Variants in FANCM observed in about 807,000 individuals in gnomAD.
FANCM encodes the protein Fanconi anemia group M protein.
FANCM carries 140 observed loss-of-function variants against 199.5 expected under a neutral mutation model. The observed-to-expected ratio is 0.70, with a 90% confidence interval of 0.61 to 0.81. The LOEUF (loss-of-function observed/expected upper bound fraction) is 0.81. Among genes scored for constraint, FANCM ranks in the 30% least tolerant of loss-of-function variants. FANCM has a pLI of 0.00. For synonymous variants in FANCM, 840 were observed against 836.8 expected, an observed-to-expected ratio of 1.00 and a Z score of -0.07; for missense variants, 2,410 against 2,421.4, an observed-to-expected ratio of 1.00 and a Z score of 0.10.
chr14:45,154,340 G>A (rs1273918840), intron 6 of FANCM, among the ~76,000 whole-genome samples: 1 of 150,900 alleles, frequency 6.6e-6, no homozygotes, highest in African/African-American at 2.4e-5. Context: ...GGCAGAGGTT[G>A]CCTTGAGTCA....
chr14:45,173,071 C>G lies in FANCM; in HGVS notation c.2177C>G (p.Thr726Ser). 6.2e-7 allele frequency: 1 copy of G among 1,609,176 alleles called. No homozygotes were observed. Among genetic ancestry groups the G allele is most frequent in the South Asian group, 1.1e-5 (1 of 90,958 alleles). Residue 726 changes from threonine (T) to serine (S), a missense_variant, in exon 13 of 23, where the codon ACT (threonine) becomes AGT (serine). Thr to Ser is a moderately conservative substitution (Grantham distance 58). Coordinates refer to ENST00000267430, the MANE Select transcript of FANCM (RefSeq NM_020937.4). ...EENKPAQEST[T>S]GIHQLSLSEW... The stretch of plus-strand genomic sequence containing the variant: ...ATAATTAAGGCTCAAGAATCAACCA[C>G]TGGAATTCATCAACTCTCTCTCTCT...
At chr14:45,189,941 CT>C (rs1334062584) in intron 20 of FANCM, among the ~76,000 whole-genome samples, 1 of 149,850 alleles carries the variant, frequency 6.7e-6, no homozygotes, top group Admixed American at 6.7e-5. Context: ...GCACCCCAGC[CT>C]GGGTGACAGA....
intron 14 of FANCM, among the ~76,000 whole-genome samples, chr14:45,177,935 G>A (rs1400348739): frequency 6.6e-6 from 1 of 152,120 alleles, no homozygotes; most frequent in Non-Finnish European, 1.5e-5. Flanking sequence ...AAATCTCTGG[G>A]TTTCTGTAAT....
chr14:45,147,907 C>CA (rs1555360401), intron 3 of FANCM, among the ~76,000 whole-genome samples: 2,271 of 142,954 alleles, frequency 0.016, 48 homozygotes, highest in African/African-American at 0.055. Context: ...GCCCCCCCCC[C>CA]AAAAAAAAAG....
rs754961557 is a variant in FANCM, at chr14:45,176,347, C to G, written c.3593C>G (p.Ala1198Gly). 6.2e-6 allele frequency: 10 copies of G among 1,613,440 alleles called. No individual in the cohort carries two copies. In the South Asian group the frequency reaches 8.8e-5, roughly 14 times the overall value. ...SELQDQITRD[A>G]NSFKSRDQRG... ...CTCCAAGATCAAATCACCCGTGATG[C>G]TAATAGTTTTAAATCTCGTGATCAG... The change falls in exon 14 of 23, where the codon GCT becomes GGT. Residue 1198 changes from alanine (A) to glycine (G), a missense_variant. Ala to Gly is a moderately conservative substitution (Grantham distance 60). Transcript: ENST00000267430.
intron 5 of FANCM, among the ~76,000 whole-genome samples, chr14:45,152,058 T>C (rs907207685): frequency 2.0e-5 from 3 of 151,554 alleles, no homozygotes; most frequent in African/African-American, 7.3e-5. Context: ...AGACAGAATT[T>C]CGCTCTATTG....
At chr14:45,170,492 C>T (rs891154910) in intron 11 of FANCM, 97 bp from the exon 12 acceptor site, 7 of 864,734 alleles carry the variant, frequency 8.1e-6, no homozygotes, top group Non-Finnish European at 1.3e-5. Flanking sequence ...TGCTGTTGCA[C>T]TCCAACCTGG....
chr14:45,178,219 T>C (rs753286927), intron 14 of FANCM, among the ~76,000 whole-genome samples: 7 of 152,220 alleles, frequency 4.6e-5, no homozygotes, highest in Non-Finnish European at 1.0e-4. Context: ...TGGAAATACA[T>C]TTAATTTTCA....
At chr14:45,160,949 A>G (rs904998213) in intron 9 of FANCM, among the ~76,000 whole-genome samples, 4 of 151,960 alleles carry the variant, frequency 2.6e-5, no homozygotes, top group Non-Finnish European at 5.9e-5. Flanking sequence ...ACTTTTGCCT[A>G]TTATCAAGTC....
intron 16 of FANCM, among the ~76,000 whole-genome samples, chr14:45,183,021 T>C (rs973567474): frequency 2.0e-5 from 3 of 152,180 alleles, no homozygotes; most frequent in Non-Finnish European, 4.4e-5. Flanking sequence ...ATATCACTTT[T>C]GCACTATGGA....
chr14:45,163,742 C>G (rs1887766214), intron 9 of FANCM, among the ~76,000 whole-genome samples: 1 of 152,176 alleles, frequency 6.6e-6, no homozygotes, highest in South Asian at 2.1e-4. Context: ...TTTCCCTGCC[C>G]TATTCCCCTT....
intron 17 of FANCM, 128 bp from the exon 18 acceptor site, chr14:45,185,087 ATT>A (rs1889312838): frequency 1.4e-6 from 1 of 710,156 alleles, no homozygotes; most frequent in East Asian, 2.7e-5. Flanking sequence ...GGGCCTAGAA[ATT>A]TTGTTTTTAT....
In FANCM at chr14:45,198,863, T is replaced by C. The variant is rs1287789049; in HGVS notation, c.5936T>C (p.Ile1979Thr). The C allele has an allele frequency of 6.2e-7, 1 of 1,611,534 alleles. No homozygotes were observed. Among genetic ancestry groups the C allele is most frequent in the African/African-American group, 1.3e-5 (1 of 74,990 alleles). ...GAGGCACTCCAGTTTTATTTAAGTA[T>C]TCCCAATATAAGTTATATAACTGCA... Reference protein sequence around the residue: ...KSEALQFYLSIPNISYITALN... With the variant: ...KSEALQFYLSTPNISYITALN... The change falls in exon 22 of 23, where the codon ATT (isoleucine) becomes ACT (threonine). Residue 1979 changes from isoleucine to threonine, a missense_variant. By Grantham distance (89) the Ile-to-Thr change is moderately conservative. Transcript: ENST00000267430.
chr14:45,179,539 A>G (rs1360356346), intron 14 of FANCM, among the ~76,000 whole-genome samples: 1 of 148,836 alleles, frequency 6.7e-6, no homozygotes, highest in East Asian at 2.0e-4. Flanking sequence ...CTCATAGATT[A>G]GGTACATCAT....
At chr14:45,164,020 C>T (rs906837569) in intron 9 of FANCM, among the ~76,000 whole-genome samples, 1 of 152,180 alleles carries the variant, frequency 6.6e-6, no homozygotes, top group African/African-American at 2.4e-5. Context: ...TCATAGCTCA[C>T]TTGCAGCCTT....
intron 14 of FANCM, among the ~76,000 whole-genome samples, chr14:45,179,723 G>A (rs968705028): frequency 2.0e-5 from 3 of 151,654 alleles, no homozygotes; most frequent in African/African-American, 4.8e-5. Context: ...CACCACGCCC[G>A]ACTAATTTTT....
Position 45,137,232 on chromosome 14 carries a change from T to C in FANCM, c.672T>C (p.Ala224=). The change falls in exon 2 of 23, where the codon GCT becomes GCC. Residue 224 remains alanine, a synonymous_variant. Transcript: ENST00000267430. ...CTCATAAAGCTCTCGGAAACTATGC[T>C]TATTGCCAGGTAATAATTTTGTTAA... ...DEAHKALGNY[A]YCQVVRELVK... The C allele has an allele frequency of 6.2e-7, 1 of 1,612,130 alleles. No individual in the cohort carries two copies. The highest frequency in any genetic ancestry group is 8.5e-7 in the Non-Finnish European group (1 of 1,179,766).
chr14:45,156,741 A>C (rs1414651830), intron 8 of FANCM, among the ~76,000 whole-genome samples: 2 of 151,956 alleles, frequency 1.3e-5, no homozygotes, highest in Non-Finnish European at 2.9e-5. Flanking sequence ...AACATGGTGA[A>C]ACCCCGTCTC....
intron 5 of FANCM, among the ~76,000 whole-genome samples, chr14:45,153,710 A>G (rs904566680): frequency 1.3e-5 from 2 of 152,230 alleles, no homozygotes; most frequent in African/African-American, 4.8e-5. Context: ...CAGATTTTAC[A>G]TACAAAATAC....
Sources: allele counts gnomAD v4.1 joint callset (sites outside exome capture counted in the v4.1 genomes callset), GRCh38; gene constraint gnomAD v4.1.1; transcripts MANE v1.5; gene names NCBI Gene and HGNC (gene_info 2026-07-23, HGNC 2026-07-21).